The following LHFPL7 variants were observed in gnomAD, a reference collection of about 807,000 sequenced individuals.
LHFPL7 encodes LHFPL tetraspan subfamily member 7, also known as LHFPL tetraspan subfamily member 7 protein.
the LHFPL7 span, chr22:24,939,396 C>T: frequency 1.4e-6 from 1 of 703,050 alleles, no homozygotes; most frequent in Non-Finnish European, 2.6e-6. Flanking sequence ...CTGGTTCCAA[C>T]TGTTGCCCTG....
the LHFPL7 span, chr22:24,939,248 C>T: frequency 1.4e-6 from 1 of 695,404 alleles, no homozygotes; most frequent in Non-Finnish European, 2.6e-6. Flanking sequence ...AGGAAAGCCT[C>T]CTCGAATTCC....
chr22:24,935,563 G>A, the LHFPL7 span: 1 of 1,613,110 alleles, frequency 6.2e-7, no homozygotes, highest in South Asian at 1.1e-5. Context: ...AGGCCGATTG[G>A]GAAAATCAGC....
chr22:24,935,487 A>T, the LHFPL7 span: 3 of 1,613,960 alleles, frequency 1.9e-6, no homozygotes, highest in African/African-American at 2.7e-5. Context: ...ACCCCAACCC[A>T]GCCGGCACTT....
At chr22:24,935,354 A>G in the LHFPL7 span, 1 of 1,613,312 alleles carries the variant, frequency 6.2e-7, no homozygotes, top group Non-Finnish European at 8.5e-7. Flanking sequence ...TTTCTGGCAC[A>G]AAGATGATTC....
the LHFPL7 span, among the ~76,000 whole-genome samples, chr22:24,945,220 G>A: frequency 6.6e-6 from 1 of 152,178 alleles, no homozygotes; most frequent in African/African-American, 2.4e-5. Context: ...TCACTTGTGA[G>A]TGTGGTAGGG....
the LHFPL7 span, among the ~76,000 whole-genome samples, chr22:24,944,612 G>A: frequency 1.3e-5 from 2 of 152,130 alleles, no homozygotes; most frequent in African/African-American, 4.8e-5. Flanking sequence ...GGAGTGCAGT[G>A]GCACAATCAC....
chr22:24,940,868 G>A, the LHFPL7 span, among the ~76,000 whole-genome samples: 6 of 151,290 alleles, frequency 4.0e-5, no homozygotes, highest in South Asian at 6.3e-4. Context: ...CTGGGTTCAA[G>A]CGATCCTCCC....
At chr22:24,938,500 A>C in the LHFPL7 span, among the ~76,000 whole-genome samples, 3 of 152,202 alleles carry the variant, frequency 2.0e-5, no homozygotes, top group Non-Finnish European at 4.4e-5. Flanking sequence ...ATAAAAAGAA[A>C]CTGTCCAAGA....
chr22:24,939,021 A>G, the LHFPL7 span, among the ~76,000 whole-genome samples: 3 of 152,218 alleles, frequency 2.0e-5, no homozygotes, highest in Admixed American at 6.5e-5. Context: ...ATTGGCCGGC[A>G]GCTGCCTTTG....
At chr22:24,938,455 G>C in the LHFPL7 span, among the ~76,000 whole-genome samples, 1 of 152,244 alleles carries the variant, frequency 6.6e-6, no homozygotes, top group Non-Finnish European at 1.5e-5. Context: ...AGTCCTCGCA[G>C]CATGTGGTTT....
chr22:24,943,219 T>G, the LHFPL7 span, among the ~76,000 whole-genome samples: 10 of 152,158 alleles, frequency 6.6e-5, no homozygotes, highest in African/African-American at 2.4e-4. Context: ...CCTATGATTG[T>G]GCCTCTCTCT....
At chr22:24,945,829 A>G in the LHFPL7 span, among the ~76,000 whole-genome samples, 2 of 152,190 alleles carry the variant, frequency 1.3e-5, 1 homozygote, top group South Asian at 4.1e-4. Flanking sequence ...TTTATCTCTT[A>G]TCACATTCTC....
chr22:24,941,802 G>C, the LHFPL7 span, among the ~76,000 whole-genome samples: 30 of 151,252 alleles, frequency 2.0e-4, 2 homozygotes, highest in African/African-American at 7.3e-4. Context: ...GAGTAGCTGG[G>C]ATTACAGGCA....
chr22:24,942,944 G>C, the LHFPL7 span, among the ~76,000 whole-genome samples: 2 of 147,042 alleles, frequency 1.4e-5, no homozygotes, highest in East Asian at 4.0e-4. Context: ...TGTGTTGCTG[G>C]GGGAGGGGCA....
the LHFPL7 span, among the ~76,000 whole-genome samples, chr22:24,935,795 C>T: frequency 2.0e-5 from 3 of 152,042 alleles, no homozygotes; most frequent in Non-Finnish European, 2.9e-5. Context: ...CCTTCACTAA[C>T]CCATCCATTC....
chr22:24,944,624 G>A, the LHFPL7 span, among the ~76,000 whole-genome samples: 1 of 152,180 alleles, frequency 6.6e-6, no homozygotes, highest in South Asian at 2.1e-4. Flanking sequence ...CACAATCACA[G>A]CTCACTGCAG....
At chr22:24,938,100 C>CATT in the LHFPL7 span, 15 of 1,583,504 alleles carry the variant, frequency 9.5e-6, no homozygotes, top group South Asian at 7.0e-5. Flanking sequence ...TTCATTCATT[C>CATT]CATAAATATG....
At chr22:24,940,410 G>A in the LHFPL7 span, among the ~76,000 whole-genome samples, 3 of 149,588 alleles carry the variant, frequency 2.0e-5, no homozygotes, top group Non-Finnish European at 3.0e-5. Flanking sequence ...TGGCTAACAC[G>A]GTGAAACTCC....
chr22:24,935,217 A>G, the LHFPL7 span: 41 of 1,376,710 alleles, frequency 3.0e-5, no homozygotes, highest in Admixed American at 3.2e-4. Context: ...CAGAGAGGTA[A>G]AGTGGCTTGC....
Sources: gnomAD v4.1 joint callset for allele counts (sites outside exome capture counted in the v4.1 genomes callset) on GRCh38, gnomAD v4.1.1 for gene constraint, MANE v1.5 for transcripts, NCBI Gene and HGNC (gene_info 2026-07-23, HGNC 2026-07-21) for gene names.